Variants in NARS1 observed in about 807,000 individuals in gnomAD.
NARS1 encodes the protein asparaginyl-tRNA synthetase 1, also known as asparagine--tRNA ligase, cytoplasmic.
In NARS1, 65 loss-of-function variants were observed where a neutral mutation model predicts 79.2. That is an observed-to-expected ratio of 0.82 (90% CI 0.67 to 1.01). The LOEUF (loss-of-function observed/expected upper bound fraction) is 1.01, where lower values mean the gene tolerates loss of function less well. NARS1 is among the 50% of genes least tolerant of loss of function. The pLI is 0.00. For missense variants in NARS1, 649 were observed against 673.8 expected, an observed-to-expected ratio of 0.96 and a Z score of 0.41; for synonymous variants, 229 against 238.8, an observed-to-expected ratio of 0.96 and a Z score of 0.38.
At chr18:57,619,218 C>T (rs931694156) in intron 2 of NARS1, among the ~76,000 whole-genome samples, 3 of 150,946 alleles carry the variant, frequency 2.0e-5, no homozygotes, top group South Asian at 2.1e-4. Context: ...TCTCAGTCTC[C>T]CGAGTAGCTG....
chr18:57,619,780 TC>T (rs1446449756), intron 2 of NARS1, among the ~76,000 whole-genome samples: 1 of 151,920 alleles, frequency 6.6e-6, no homozygotes, highest in African/African-American at 2.4e-5. Flanking sequence ...ACCTCCACCT[TC>T]CAGGCTAAAG....
chr18:57,620,360 C>A (rs1349814721), intron 2 of NARS1, among the ~76,000 whole-genome samples: 1 of 151,594 alleles, frequency 6.6e-6, no homozygotes, highest in African/African-American at 2.4e-5. Context: ...AAAGAAGAGA[C>A]CTTTTTTCAA....
intron 11 of NARS1, among the ~76,000 whole-genome samples, chr18:57,604,573 C>G (rs1032469393): frequency 6.6e-6 from 1 of 152,132 alleles, no homozygotes; most frequent in Non-Finnish European, 1.5e-5. Flanking sequence ...GTTAAATGCA[C>G]AGGAAAGAGG....
At chr18:57,608,501 A>G (rs548163533) in intron 7 of NARS1, among the ~76,000 whole-genome samples, 8 of 151,886 alleles carry the variant, frequency 5.3e-5, no homozygotes, top group Non-Finnish European at 1.2e-4. Flanking sequence ...TTCTCTGAAC[A>G]TATTTAGGTG....
chr18:57,601,613 C>A lies in NARS1; in HGVS notation c.*39G>T, dbSNP rs367588725. The A allele has an allele frequency of 1.2e-5, 19 of 1,597,952 alleles. No homozygotes were observed. In the African/African-American group the frequency reaches 2.6e-4, roughly 21 times the overall value. On this transcript the variant is annotated 3_prime_UTR_variant, in exon 14 of 14. Coordinates refer to ENST00000256854, the MANE Select transcript of NARS1 (RefSeq NM_004539.4). ...TGTTTTCTTTTTTAAAGAGCCTGTTCCTTTCATAATCTTTCCTCCACGCTT... is the reference window on the plus strand; with the variant it reads ...TGTTTTCTTTTTTAAAGAGCCTGTTACTTTCATAATCTTTCCTCCACGCTT...
intron 5 of NARS1, 25 bp downstream of exon 5, chr18:57,613,577 A>C: frequency 1.9e-6 from 3 of 1,585,736 alleles, no homozygotes; most frequent in Non-Finnish European, 2.6e-6. Context: ...AAACATTAAA[A>C]AGAAGGAAAA....
chr18:57,605,576 T>C (rs906148893), intron 11 of NARS1, among the ~76,000 whole-genome samples: 1 of 139,304 alleles, frequency 7.2e-6, no homozygotes, highest in Non-Finnish European at 1.5e-5. Context: ...ATCATGCCAC[T>C]GCACTCCGTA....
intron 5 of NARS1, among the ~76,000 whole-genome samples, chr18:57,612,423 T>A (rs562002199): frequency 6.6e-6 from 1 of 152,148 alleles, no homozygotes; most frequent in Non-Finnish European, 1.5e-5. Flanking sequence ...TTCATTTGTA[T>A]TTTTGTCCCC....
In NARS1 at chr18:57,616,131, G is replaced by C. The variant is rs1275795259; in HGVS notation, c.94-156C>G. The C allele has an allele frequency of 1.2e-5, 8 of 691,452 alleles. No individual in the cohort carries two copies. The Admixed American group carries it at 2.1e-4, about 18-fold the overall frequency. 42.8% of individuals were successfully genotyped at this position (691,452 alleles called of 1,614,324 possible). A position where few individuals can be genotyped will look rare whatever the true frequency, so the allele number is the denominator to read the frequency against. On this transcript the variant is annotated intron_variant, in intron 2 of 13. Coordinates refer to ENST00000256854, the MANE Select transcript of NARS1 (RefSeq NM_004539.4). ...GCACAGTGACTGGTTGAACATTTAA[G>C]AAGCACACTGGTTGGCTGGGCGCGG...
chr18:57,605,719 C>G (rs1599032396), intron 11 of NARS1, 138 bp downstream of exon 11: 1 of 625,342 alleles, frequency 1.6e-6, no homozygotes, highest in African/African-American at 1.9e-5. Context: ...AATCTGCAGG[C>G]AACCCAAGAA....
At chr18:57,605,812 G>A (rs776492445) in intron 11 of NARS1, 45 bp downstream of exon 11, 73 of 1,301,694 alleles carry the variant, frequency 5.6e-5, no homozygotes, top group Non-Finnish European at 7.4e-5. Flanking sequence ...AAGAGAATTG[G>A]AGCCCAATCC....
intron 2 of NARS1, among the ~76,000 whole-genome samples, chr18:57,617,013 T>G (rs977357755): frequency 1.2e-4 from 16 of 136,638 alleles, no homozygotes; most frequent in Non-Finnish European, 2.5e-4. Flanking sequence ...TCTGAAAAAC[T>G]CCCCCATGTA....
chr18:57,604,470 A>G (rs2051537421), intron 11 of NARS1, among the ~76,000 whole-genome samples: 1 of 152,210 alleles, frequency 6.6e-6, no homozygotes, highest in African/African-American at 2.4e-5. Context: ...TGTTTCACCT[A>G]TTAATTCCTT....
chr18:57,608,352 G>A (rs72942206), intron 7 of NARS1, among the ~76,000 whole-genome samples: 23,300 of 142,268 alleles, frequency 0.16, 2,070 homozygotes, highest in Non-Finnish European at 0.2. Flanking sequence ...CAGGAGAATC[G>A]CTTGAACCTG....
At chr18:57,602,708 G>T in intron 12 of NARS1, 104 bp downstream of exon 12, 1 of 1,372,138 alleles carries the variant, frequency 7.3e-7, no homozygotes, top group Middle Eastern at 1.9e-4. Context: ...TGTTATTCTA[G>T]ATAGAGAATG....
Position 57,609,431 on chromosome 18 carries a change from T to C in NARS1, c.505A>G (p.Asn169Asp). Residue 169 changes from asparagine (N) to aspartate (D), a missense_variant, in exon 7 of 14, where the codon AAT becomes GAT. Transcript: ENST00000256854. Reference protein sequence around the residue: ...VLADELCQCYNGVLLSTESSV... With the variant: ...VLADELCQCYDGVLLSTESSV... ...CTCTCCGTGGACAAGAGAACTCCAT[T>C]GTAGCACTGACACTATAAAAAGGTC... The C allele has an allele frequency of 6.2e-7, 1 of 1,613,620 alleles. No homozygotes were observed. The highest frequency in any genetic ancestry group is 8.5e-7 in the Non-Finnish European group (1 of 1,179,792).
chr18:57,605,138 T>A (rs766036413), intron 11 of NARS1, among the ~76,000 whole-genome samples: 7,970 of 64,600 alleles, frequency 0.12, 434 homozygotes, highest in East Asian at 0.37. Flanking sequence ...AAAAAAAATA[T>A]ATATATATAT....
chr18:57,605,136 T>A (rs408972), intron 11 of NARS1, among the ~76,000 whole-genome samples: 34,769 of 76,984 alleles, frequency 0.45, 4,866 homozygotes, highest in Middle Eastern at 0.55. Flanking sequence ...AAAAAAAAAA[T>A]ATATATATAT....
chr18:57,610,494 A>C (rs1307378893), intron 6 of NARS1, among the ~76,000 whole-genome samples: 1 of 152,058 alleles, frequency 6.6e-6, no homozygotes. Context: ...GAAAAAGACA[A>C]CCACACCTTA....
Sources: gnomAD v4.1 joint callset for allele counts (sites outside exome capture counted in the v4.1 genomes callset) on GRCh38, gnomAD v4.1.1 for gene constraint, MANE v1.5 for transcripts, NCBI Gene and HGNC (gene_info 2026-07-23, HGNC 2026-07-21) for gene names.